Variants in SGSM1 observed in about 807,000 individuals in gnomAD.
SGSM1 encodes small G protein signaling modulator 1.
A neutral mutation model predicts 133.8 loss-of-function variants in SGSM1; 73 were observed. That is an observed-to-expected ratio of 0.55 (90% CI 0.45 to 0.66). SGSM1 has a LOEUF of 0.66. SGSM1 is among the 30% of genes least tolerant of loss of function. The pLI is 0.00. For missense variants in SGSM1, 1,213 were observed against 1,448.1 expected, an observed-to-expected ratio of 0.84 and a Z score of 2.64; for synonymous variants, 563 against 573.0, an observed-to-expected ratio of 0.98 and a Z score of 0.25.
intron 9 of SGSM1, among the ~76,000 whole-genome samples, chr22:24,864,886 T>A (rs1931360903): frequency 6.6e-6 from 1 of 152,236 alleles, no homozygotes. Flanking sequence ...CCCTTGCTCC[T>A]TCCTAGCTCT....
chr22:24,807,455 A>T (rs1204996704), intron 2 of SGSM1, among the ~76,000 whole-genome samples: 2 of 151,840 alleles, frequency 1.3e-5, no homozygotes, highest in African/African-American at 4.8e-5. Context: ...TCTGTGAATG[A>T]GTGATGCTGT....
chr22:24,866,746 A>G (rs1372974648), intron 9 of SGSM1, among the ~76,000 whole-genome samples: 2 of 152,210 alleles, frequency 1.3e-5, no homozygotes, highest in African/African-American at 2.4e-5. Flanking sequence ...TGGTTCTGCC[A>G]GAGTCAGGAG....
At chr22:24,896,991 A>G (rs918526957) in intron 18 of SGSM1, among the ~76,000 whole-genome samples, 4 of 151,986 alleles carry the variant, frequency 2.6e-5, no homozygotes, top group African/African-American at 9.7e-5. Flanking sequence ...AAATAAATAC[A>G]TACATAAAAA....
At position 24,868,613 on chromosome 22, in the gene SGSM1, C is replaced by T. The variant is rs1931590666; in HGVS notation, c.1158+74C>T. The T allele has an allele frequency of 1.9e-6, 3 of 1,610,676 alleles. No individual in the cohort carries two copies. The African/African-American group carries it at 4.0e-5, about 22-fold the overall frequency. Reference sequence around the variant, plus strand: ...GAGGGTGGTTGTTTTTGCCTGTGTGCCCTTATGTGGCTATGTGGCCTCATG... The same window carrying T: ...GAGGGTGGTTGTTTTTGCCTGTGTGTCCTTATGTGGCTATGTGGCCTCATG... On this transcript the variant is annotated intron_variant, in intron 11 of 24. Coordinates refer to ENST00000400358, the MANE Select transcript of SGSM1 (RefSeq NM_001098497.3).
At chr22:24,846,575 T>C (rs976756604) in intron 3 of SGSM1, among the ~76,000 whole-genome samples, 6 of 152,098 alleles carry the variant, frequency 3.9e-5, no homozygotes, top group African/African-American at 1.4e-4. Flanking sequence ...TCAAAAGTAT[T>C]TGGGTGGGAG....
Position 24,905,681 on chromosome 22 carries a change from C to A in SGSM1, c.2818+494C>A, listed in dbSNP as rs1737893905. The stretch of plus-strand genomic sequence containing the variant: ...GCAGGCACCTGTAGTCCCAGCTACT[C>A]AGGAGGCTGAGGCAGGAGAATGGCG... On this transcript the variant is annotated intron_variant, in intron 21 of 24. Transcript: ENST00000400358. Among the ~76,000 whole-genome samples the A allele has an allele frequency of 2.0e-5, 3 of 150,542 alleles. No homozygotes were observed. The South Asian group carries it at 6.3e-4, about 32-fold the overall frequency.
chr22:24,861,952 C>CTTTTT lies in SGSM1; in HGVS notation c.926+2115_926+2116insTTTTT. Among the ~76,000 whole-genome samples the CTTTTT allele has an allele frequency of 1.4e-5, 2 of 142,350 alleles. 1 individual carries two copies. Among genetic ancestry groups the CTTTTT allele is most frequent in the African/African-American group, 5.5e-5 (2 of 36,202 alleles). 93.4% of individuals were successfully genotyped at this position (142,350 alleles called of 152,430 possible). On this transcript the variant is annotated intron_variant, in intron 9 of 24. Transcript: ENST00000400358. Reference sequence around the variant, plus strand: ...CCCAGAGTCTAGAGTTTCTTTCTTTCTTTCTTTTTTTTTTTTTTTGAGACA... The same window carrying CTTTTT: ...CCCAGAGTCTAGAGTTTCTTTCTTTCTTTTTTTTCTTTTTTTTTTTTTTTGAGACA...
chr22:24,855,162 T>C, intron 6 of SGSM1, 99 bp downstream of exon 6: 2 of 1,549,912 alleles, frequency 1.3e-6, no homozygotes, highest in South Asian at 1.2e-5. Flanking sequence ...GCCTTGCCCA[T>C]GGAAATGCAG....
At chr22:24,817,905 G>C (rs1295101567) in intron 2 of SGSM1, among the ~76,000 whole-genome samples, 1 of 152,150 alleles carries the variant, frequency 6.6e-6, no homozygotes, top group Non-Finnish European at 1.5e-5. Flanking sequence ...TGGCAGAAAG[G>C]GGGTGAGAGG....
chr22:24,814,177 A>G (rs2147782705), intron 2 of SGSM1: 1 of 152,236 alleles, frequency 6.6e-6, no homozygotes, highest in Non-Finnish European at 1.5e-5. Flanking sequence ...ACTAATTAAA[A>G]CTAAGTAGCT....
chr22:24,889,946 T>A (rs1359721570), intron 16 of SGSM1, among the ~76,000 whole-genome samples: 2 of 139,628 alleles, frequency 1.4e-5, no homozygotes, highest in African/African-American at 2.8e-5. Context: ...CCACCGGGCC[T>A]GGCCTTAAAT....
intron 9 of SGSM1, among the ~76,000 whole-genome samples, chr22:24,862,418 A>G (rs1931209322): frequency 6.6e-6 from 1 of 152,146 alleles, no homozygotes; most frequent in South Asian, 2.1e-4. Context: ...CATTTAGAAG[A>G]TTGTAGTCAC....
At chr22:24,848,088 C>T (rs1930257587) in intron 4 of SGSM1, among the ~76,000 whole-genome samples, 1 of 152,014 alleles carries the variant, frequency 6.6e-6, no homozygotes, top group South Asian at 2.1e-4. Context: ...GTTTATTTCC[C>T]TCCCCGTTGT....
intron 13 of SGSM1, among the ~76,000 whole-genome samples, chr22:24,878,160 C>T (rs1265168103): frequency 1.3e-5 from 2 of 152,162 alleles, no homozygotes; most frequent in Non-Finnish European, 2.9e-5. Context: ...GGTGGCAAAA[C>T]ATATCAGTTC....
intron 4 of SGSM1, among the ~76,000 whole-genome samples, chr22:24,849,281 C>CGGCCA (rs1362648102): frequency 6.6e-6 from 1 of 150,836 alleles, no homozygotes; most frequent in Non-Finnish European, 1.5e-5. Context: ...CGGCCAGGTG[C>CGGCCA]GGTGGCTCAT....
chr22:24,856,588 CG>C (rs2147855083), intron 8 of SGSM1, among the ~76,000 whole-genome samples: 1 of 152,180 alleles, frequency 6.6e-6, no homozygotes, highest in African/African-American at 2.4e-5. Context: ...TTGGCCTCAG[CG>C]GGAGGAAGCA....
intron 5 of SGSM1, among the ~76,000 whole-genome samples, chr22:24,852,546 C>T (rs1031255353): frequency 2.0e-5 from 3 of 152,128 alleles, no homozygotes; most frequent in South Asian, 2.1e-4. Context: ...CGTGTTCAAG[C>T]GATTCTCATG....
chr22:24,845,427 GT>G (rs774914353), intron 3 of SGSM1, among the ~76,000 whole-genome samples: 1 of 152,166 alleles, frequency 6.6e-6, no homozygotes. Flanking sequence ...ACTCAGACAT[GT>G]CTCCTTGAAC....
At chr22:24,885,939 T>A (rs916418361) in intron 15 of SGSM1, among the ~76,000 whole-genome samples, 9 of 152,348 alleles carry the variant, frequency 5.9e-5, no homozygotes, top group Admixed American at 2.6e-4. Flanking sequence ...GAAGCAGGAC[T>A]GCTGGACCAC....
Sources: gnomAD v4.1 joint callset for allele counts (sites outside exome capture counted in the v4.1 genomes callset) on GRCh38, gnomAD v4.1.1 for gene constraint, MANE v1.5 for transcripts, NCBI Gene and HGNC (gene_info 2026-07-23, HGNC 2026-07-21) for gene names.